Variants in KCNMA1 observed in about 807,000 individuals in gnomAD.
KCNMA1 encodes the protein potassium calcium-activated channel subfamily M alpha 1, also known as Calcium-activated potassium channel subunit alpha-1.
In KCNMA1, 29 loss-of-function variants were observed where a neutral mutation model predicts 140.0. That is an observed-to-expected ratio of 0.21 (90% CI 0.15 to 0.28). KCNMA1 has a LOEUF of 0.28. Among genes scored for constraint, KCNMA1 ranks in the 10% least tolerant of loss-of-function variants. The probability of loss-of-function intolerance (pLI) is 1.00; values close to 1 mark genes in which losing one functional copy is unlikely to be tolerated. For missense variants in KCNMA1, 880 were observed against 1,602.2 expected, an observed-to-expected ratio of 0.55 and a Z score of 7.70; for synonymous variants, 612 against 611.9, an observed-to-expected ratio of 1.00 and a Z score of 0.00.
At chr10:76,948,604 C>G (rs549945226) in intron 22 of KCNMA1, among the ~76,000 whole-genome samples, 2 of 152,142 alleles carry the variant, frequency 1.3e-5, no homozygotes, top group African/African-American at 2.4e-5. Flanking sequence ...GACACACACA[C>G]AAACACAACC....
chr10:77,425,013 G>A (rs2096947680), intron 1 of KCNMA1, among the ~76,000 whole-genome samples: 1 of 152,224 alleles, frequency 6.6e-6, no homozygotes, highest in African/African-American at 2.4e-5. Context: ...GCCTGGGCCA[G>A]GGCAGGCACC....
At chr10:77,115,260 T>A (rs552819496) in intron 6 of KCNMA1, among the ~76,000 whole-genome samples, 2 of 152,216 alleles carry the variant, frequency 1.3e-5, no homozygotes, top group South Asian at 4.1e-4. Context: ...GCTCGAAAAC[T>A]TGGAAAAACA....
chr10:77,117,444 GA>G (rs1203027318), intron 6 of KCNMA1, among the ~76,000 whole-genome samples: 5 of 148,622 alleles, frequency 3.4e-5, no homozygotes, highest in African/African-American at 1.2e-4. Flanking sequence ...AGCTACTCGG[GA>G]GGCTGAGGCA....
intron 1 of KCNMA1, among the ~76,000 whole-genome samples, chr10:77,545,818 T>A (rs2061344729): frequency 6.6e-6 from 1 of 152,194 alleles, no homozygotes; most frequent in African/African-American, 2.4e-5. Flanking sequence ...TGGGAAAGCA[T>A]GCCTCAGCGT....
intron 20 of KCNMA1, among the ~76,000 whole-genome samples, chr10:76,964,903 G>A (rs893582559): frequency 6.6e-6 from 1 of 152,198 alleles, no homozygotes; most frequent in African/African-American, 2.4e-5. Flanking sequence ...CTCCTGACAT[G>A]AAACTCTCCT....
intron 25 of KCNMA1, among the ~76,000 whole-genome samples, chr10:76,892,912 C>T (rs1213681293): frequency 6.6e-6 from 1 of 152,156 alleles, no homozygotes; most frequent in Admixed American, 6.5e-5. Flanking sequence ...TACAAAAACA[C>T]CCATTGTGAT....
chr10:77,495,318 G>A (rs957828273), intron 1 of KCNMA1, among the ~76,000 whole-genome samples: 1 of 152,106 alleles, frequency 6.6e-6, no homozygotes, highest in Non-Finnish European at 1.5e-5. Flanking sequence ...TCTGTGATGG[G>A]CCCCTTGCCG....
chr10:77,021,317 G>A (rs889874541), intron 16 of KCNMA1, among the ~76,000 whole-genome samples: 3 of 152,094 alleles, frequency 2.0e-5, no homozygotes, highest in African/African-American at 7.2e-5. Context: ...GTGAATAATC[G>A]CTAGCTTACA....
intron 20 of KCNMA1, among the ~76,000 whole-genome samples, chr10:76,960,919 C>T (rs1470907903): frequency 6.6e-6 from 1 of 151,944 alleles, no homozygotes; most frequent in Non-Finnish European, 1.5e-5. Flanking sequence ...TGTTACTGCT[C>T]ACTGATAACG....
downstream of KCNMA1, chr10:76,873,126 T>C (rs990895377): frequency 2.6e-5 from 4 of 152,232 alleles, no homozygotes; most frequent in African/African-American, 9.6e-5. Flanking sequence ...CTTCTTTTTA[T>C]ACATGTTTTA....
intron 3 of KCNMA1, among the ~76,000 whole-genome samples, chr10:77,222,822 C>T (rs188582448): frequency 1.3e-5 from 2 of 152,338 alleles, no homozygotes; most frequent in Admixed American, 1.3e-4. Flanking sequence ...AGGATTGAAG[C>T]TGATTGCCAT....
At chr10:76,969,282 A>AAGGGAAGG (rs2075171044) in intron 20 of KCNMA1, among the ~76,000 whole-genome samples, 1 of 30,728 alleles carries the variant, frequency 3.3e-5, no homozygotes, top group Admixed American at 3.6e-4. Flanking sequence ...GAGGGGGAAG[A>AAGGGAAGG]AGGGAAGGAA....
intron 1 of KCNMA1, among the ~76,000 whole-genome samples, chr10:77,592,820 C>A (rs1603637943): frequency 6.6e-6 from 1 of 152,298 alleles, no homozygotes; most frequent in East Asian, 1.9e-4. Flanking sequence ...TTAGAGGAGG[C>A]CTCACAGTCC....
At chr10:77,210,376 AG>A (rs766717817) in intron 3 of KCNMA1, among the ~76,000 whole-genome samples, 1 of 152,250 alleles carries the variant, frequency 6.6e-6, no homozygotes, top group Non-Finnish European at 1.5e-5. Flanking sequence ...CCTTCATGAT[AG>A]AAACTCTGAA....
chr10:77,499,403 G>A (rs1603629990), intron 1 of KCNMA1, among the ~76,000 whole-genome samples: 1 of 142,510 alleles, frequency 7.0e-6, no homozygotes, highest in Admixed American at 7.1e-5. Context: ...CAGTAGGCAT[G>A]TATATATATA....
chr10:77,540,108 T>C (rs145932442), intron 1 of KCNMA1, among the ~76,000 whole-genome samples: 1 of 152,320 alleles, frequency 6.6e-6, no homozygotes, highest in African/African-American at 2.4e-5. Context: ...ATCATCATGA[T>C]TGATTTCACA....
intron 3 of KCNMA1, among the ~76,000 whole-genome samples, chr10:77,212,163 G>T (rs1387817894): frequency 4.6e-5 from 7 of 152,116 alleles, no homozygotes; most frequent in African/African-American, 1.7e-4. Context: ...TCATTGCCAT[G>T]AAATTTCACA....
chr10:77,558,496 G>A (rs963326223), intron 1 of KCNMA1, among the ~76,000 whole-genome samples: 3 of 152,148 alleles, frequency 2.0e-5, no homozygotes, highest in East Asian at 1.9e-4. Flanking sequence ...CTGGGATGTC[G>A]GGGGTGGGGT....
At chr10:77,507,266 T>C (rs1423624738) in intron 1 of KCNMA1, among the ~76,000 whole-genome samples, 1 of 146,574 alleles carries the variant, frequency 6.8e-6, no homozygotes, top group Non-Finnish European at 1.5e-5. Context: ...TTAAACAGAA[T>C]AATGTTCATG....
Sources: gnomAD v4.1 joint callset for allele counts (sites outside exome capture counted in the v4.1 genomes callset) on GRCh38, gnomAD v4.1.1 for gene constraint, MANE v1.5 for transcripts, NCBI Gene and HGNC (gene_info 2026-07-23, HGNC 2026-07-21) for gene names.